Variants in GSE1 observed in about 807,000 individuals in gnomAD.
GSE1 encodes the protein Gse1 coiled-coil protein, also known as genetic suppressor element 1.
In GSE1, 32 loss-of-function variants were observed where a neutral mutation model predicts 112.6. The ratio of observed to expected loss-of-function variants is 0.28; its 90% confidence interval spans 0.21 to 0.38. The LOEUF is 0.38. GSE1 is among the 10% of genes least tolerant of loss of function. GSE1 has a pLI of 1.00. For missense variants in GSE1, 2,348 were observed against 1,699.2 expected, an observed-to-expected ratio of 1.38 and a Z score of -6.71; for synonymous variants, 1,115 against 735.6, an observed-to-expected ratio of 1.52 and a Z score of -8.35.
intron 2 of GSE1, among the ~76,000 whole-genome samples, chr16:85,467,482 G>C (rs2050157179): frequency 6.6e-6 from 1 of 152,190 alleles, no homozygotes; most frequent in African/African-American, 2.4e-5. Context: ...TATTAGACGG[G>C]GGCTGGGTTG....
intron 1 of GSE1, among the ~76,000 whole-genome samples, chr16:85,324,116 G>T (rs904408579): frequency 6.6e-6 from 1 of 152,248 alleles, no homozygotes; most frequent in Non-Finnish European, 1.5e-5. Flanking sequence ...GGGAATGCAC[G>T]TGGTGCAGCT....
intron 1 of GSE1, among the ~76,000 whole-genome samples, chr16:85,348,050 A>C (rs1001785382): frequency 2.6e-5 from 4 of 152,170 alleles, no homozygotes; most frequent in Non-Finnish European, 5.9e-5. Context: ...GTTGGAGTGC[A>C]CAGCTGCCTC....
intron 1 of GSE1, among the ~76,000 whole-genome samples, chr16:85,300,344 G>A (rs1242552561): frequency 6.6e-6 from 1 of 152,146 alleles, no homozygotes; most frequent in Non-Finnish European, 1.5e-5. Flanking sequence ...ACACCTCAGC[G>A]ACATTGAGTA....
intron 1 of GSE1, among the ~76,000 whole-genome samples, chr16:85,283,785 G>A (rs928034537): frequency 3.9e-5 from 6 of 152,232 alleles, no homozygotes; most frequent in African/African-American, 1.2e-4. Flanking sequence ...GCCCCTAAGG[G>A]GTAGAGACCA....
At chr16:85,357,375 A>C in intron 1 of GSE1, 7 of 863,890 alleles carry the variant, frequency 8.1e-6, no homozygotes, top group Non-Finnish European at 1.1e-5. Flanking sequence ...GTCGGGGAGG[A>C]ATGGCACCTA....
At chr16:85,430,434 G>A (rs1173834977) in intron 2 of GSE1, among the ~76,000 whole-genome samples, 2 of 152,186 alleles carry the variant, frequency 1.3e-5, no homozygotes, top group Non-Finnish European at 2.9e-5. Flanking sequence ...AGCCCGGTAG[G>A]GCCAGAGCCA....
At chr16:85,603,968 C>A (rs907394784) in intron 1 of GSE1, among the ~76,000 whole-genome samples, 3 of 152,072 alleles carry the variant, frequency 2.0e-5, no homozygotes, top group African/African-American at 7.2e-5. Context: ...TAAAGAAAAG[C>A]GGTATAATTG....
rs116048357 is a variant in GSE1 at position 85,484,991 on chromosome 16, A to G, written c.2464+127348A>G. Among the ~76,000 whole-genome samples the G allele has an allele frequency of 7.3e-3, 1,112 of 152,092 alleles. 18 individuals are homozygous for G. Among genetic ancestry groups the G allele is most frequent in the African/African-American group, 0.025 (1,051 of 41,508 alleles). ...AGCCCTCATTCAGCCTTGATTCCTC[A>G]GCACCTGTCCTAGGCCCGGGGCCAG... On this transcript the variant is annotated intron_variant, in intron 2 of 2. Transcript: ENST00000637419.
At chr16:85,383,513 A>ACACACG (rs1484600922) in intron 2 of GSE1, among the ~76,000 whole-genome samples, 1 of 150,956 alleles carries the variant, frequency 6.6e-6, no homozygotes, top group Non-Finnish European at 1.5e-5. Context: ...ACACACACAC[A>ACACACG]CACGCACACC....
At chr16:85,538,233 C>T (rs1411033884) in intron 2 of GSE1, among the ~76,000 whole-genome samples, 2 of 152,256 alleles carry the variant, frequency 1.3e-5, no homozygotes, top group African/African-American at 4.8e-5. Flanking sequence ...TTTTAATTAT[C>T]TAAATATTGC....
At chr16:85,363,259 T>C (rs966489257) in intron 2 of GSE1, among the ~76,000 whole-genome samples, 2 of 152,234 alleles carry the variant, frequency 1.3e-5, no homozygotes, top group African/African-American at 4.8e-5. Flanking sequence ...GGCTCCTCCC[T>C]TTCTCACCTG....
chr16:85,627,634 A>G (rs1042964855), intron 1 of GSE1, among the ~76,000 whole-genome samples: 1 of 152,024 alleles, frequency 6.6e-6, no homozygotes, highest in Non-Finnish European at 1.5e-5. Flanking sequence ...TGAGCTGCAC[A>G]TGTCAAGAGA....
chr16:85,218,405 A>G (rs2143722627), intron 1 of GSE1, among the ~76,000 whole-genome samples: 1 of 152,276 alleles, frequency 6.6e-6, no homozygotes, highest in Admixed American at 6.5e-5. Context: ...AGCTCCTAAG[A>G]TTCTTTGAAA....
At chr16:85,501,829 G>A (rs1200006384) in intron 2 of GSE1, among the ~76,000 whole-genome samples, 3 of 152,206 alleles carry the variant, frequency 2.0e-5, no homozygotes, top group Non-Finnish European at 4.4e-5. Flanking sequence ...ACCCAGCCCC[G>A]ACAGGGCCCT....
At chr16:85,267,579 C>T (rs1908389827) in intron 1 of GSE1, among the ~76,000 whole-genome samples, 1 of 152,182 alleles carries the variant, frequency 6.6e-6, no homozygotes, top group African/African-American at 2.4e-5. Context: ...TGCTCTCCCC[C>T]AGCACCTGCT....
chr16:85,651,735 G>A (rs1208028093), intron 3 of GSE1, among the ~76,000 whole-genome samples: 2 of 152,244 alleles, frequency 1.3e-5, no homozygotes, highest in African/African-American at 4.8e-5. Flanking sequence ...GCCCCTGGCT[G>A]TCGTCTCCCT....
At position 85,654,830 on chromosome 16, in the gene GSE1, T is replaced by A; in HGVS notation, c.636T>A (p.Ser212Arg). Residue 212 changes from serine (S) to arginine (R), a missense_variant, in exon 5 of 16, where the codon AGT becomes AGA. Physicochemically the swap from Ser to Arg is moderately radical, Grantham distance 110. Coordinates refer to ENST00000253458, the MANE Select transcript of GSE1 (RefSeq NM_014615.5). ...QRPVHHVVPP[S>R]TVTEDYLRSF... ...CCGTGCACCACGTGGTGCCCCCCAG[T>A]ACCGTGACCGAGGACTACCTGAGAA... The A allele has an allele frequency of 6.2e-7, 1 of 1,611,720 alleles. No homozygotes were observed. The highest frequency in any genetic ancestry group is 8.5e-7 in the Non-Finnish European group (1 of 1,179,482).
At chr16:85,339,553 G>C (rs1307805846) in intron 1 of GSE1, among the ~76,000 whole-genome samples, 2 of 148,820 alleles carry the variant, frequency 1.3e-5, no homozygotes, top group Admixed American at 6.8e-5. Flanking sequence ...CAGTGAAAAG[G>C]CACTAAAATT....
intron 1 of GSE1, among the ~76,000 whole-genome samples, chr16:85,184,068 C>T (rs1030348862): frequency 5.3e-5 from 8 of 152,196 alleles, no homozygotes; most frequent in Non-Finnish European, 7.3e-5. Context: ...CGAACTCACT[C>T]CCTCAGAAGC....
Sources: gnomAD v4.1 joint callset for allele counts (sites outside exome capture counted in the v4.1 genomes callset) on GRCh38, gnomAD v4.1.1 for gene constraint, MANE v1.5 for transcripts, NCBI Gene and HGNC (gene_info 2026-07-23, HGNC 2026-07-21) for gene names.